The following TJP1 variants were observed in gnomAD, a reference collection of about 807,000 sequenced individuals.
TJP1 encodes tight junction protein 1.
TJP1 carries 43 observed loss-of-function variants against 194.2 expected under a neutral mutation model. The ratio of observed to expected loss-of-function variants is 0.22; its 90% CI spans 0.17 to 0.29. TJP1 has a LOEUF of 0.29. Ranked by LOEUF, TJP1 falls within the 10% of genes least tolerant of loss-of-function variation. The pLI, the probability that TJP1 is intolerant of heterozygous loss-of-function variation, is 1.00. For synonymous variants in TJP1, 801 were observed against 779.0 expected (o/e 1.03, Z -0.47); for missense variants, 1,971 against 2,185.7 (o/e 0.90, Z 1.96).
chr15:29,966,341 A>G (rs2152327452), intron 1 of TJP1, among the ~76,000 whole-genome samples: 1 of 152,220 alleles, frequency 6.6e-6, no homozygotes, highest in Non-Finnish European at 1.5e-5. Flanking sequence ...CATCTGTACT[A>G]AAAATACAAA....
chr15:29,836,301 T>A (rs1431880337), intron 2 of TJP1, among the ~76,000 whole-genome samples: 1 of 148,882 alleles, frequency 6.7e-6, no homozygotes, highest in Non-Finnish European at 1.5e-5. Context: ...AGAGACAGAG[T>A]CTTGCTCTGT....
chr15:29,767,939 G>T, intron 4 of TJP1, among the ~76,000 whole-genome samples: 1 of 152,072 alleles, frequency 6.6e-6, no homozygotes, highest in South Asian at 2.1e-4. Flanking sequence ...CCATACTCCA[G>T]GTTACCTGAA....
chr15:29,784,841 A>G (rs945340136), intron 2 of TJP1, among the ~76,000 whole-genome samples: 2 of 152,212 alleles, frequency 1.3e-5, no homozygotes, highest in Admixed American at 6.5e-5. Context: ...ATGATGTAAC[A>G]GCTATATGAT....
chr15:29,878,134 C>T (rs187861457), intron 2 of TJP1, among the ~76,000 whole-genome samples: 226 of 152,252 alleles, frequency 1.5e-3, no homozygotes, highest in African/African-American at 5.3e-3. Context: ...ACTGCAAGCT[C>T]CGCCTCCCAG....
intron 1 of TJP1, among the ~76,000 whole-genome samples, chr15:29,802,168 AGT>A (rs1485341107): frequency 6.6e-6 from 1 of 152,174 alleles, no homozygotes; most frequent in African/African-American, 2.4e-5. Flanking sequence ...CAAAAGGTAA[AGT>A]AAAAAGGGAG....
At chr15:29,758,660 T>A (rs966862725) in intron 8 of TJP1, among the ~76,000 whole-genome samples, 1 of 152,176 alleles carries the variant, frequency 6.6e-6, no homozygotes, top group African/African-American at 2.4e-5. Flanking sequence ...ATGTTAAAAT[T>A]ACAGCTGCTC....
chr15:29,795,731 G>T (rs946608337), intron 2 of TJP1, among the ~76,000 whole-genome samples: 1 of 151,972 alleles, frequency 6.6e-6, no homozygotes, highest in Admixed American at 6.6e-5. Flanking sequence ...TTAAAAAAAA[G>T]TACTGACCAA....
chr15:29,710,124 C>T (rs761316241), intron 24 of TJP1, among the ~76,000 whole-genome samples: 2 of 149,844 alleles, frequency 1.3e-5, no homozygotes, highest in South Asian at 2.1e-4. Flanking sequence ...GTAGCCTGGG[C>T]GAGAGCAAGG....
intron 15 of TJP1, chr15:29,728,837 A>G (rs2043409699): frequency 6.6e-6 from 1 of 152,254 alleles, no homozygotes; most frequent in Non-Finnish European, 1.5e-5. Context: ...CACCATGGGC[A>G]AGCAGGGCAG....
chr15:29,907,962 G>A (rs906010467), intron 2 of TJP1, among the ~76,000 whole-genome samples: 2 of 143,882 alleles, frequency 1.4e-5, no homozygotes, highest in African/African-American at 2.6e-5. Context: ...GAACAACAGT[G>A]CTCTTGGAAA....
At chr15:29,713,239 T>G (rs755008249) in intron 23 of TJP1, among the ~76,000 whole-genome samples, 1 of 152,204 alleles carries the variant, frequency 6.6e-6, no homozygotes, top group Non-Finnish European at 1.5e-5. Context: ...CCTGAAGAAG[T>G]TGACTCAATC....
chr15:29,931,402 A>C (rs1394334853), intron 2 of TJP1, among the ~76,000 whole-genome samples: 1 of 152,196 alleles, frequency 6.6e-6, no homozygotes. Flanking sequence ...ACTATATAAC[A>C]AATCAAACTA....
intron 2 of TJP1, among the ~76,000 whole-genome samples, chr15:29,851,588 T>C (rs928824200): frequency 2.6e-5 from 4 of 152,208 alleles, no homozygotes; most frequent in Non-Finnish European, 5.9e-5. Context: ...TATTTGTAGA[T>C]ATAGACAAGA....
chr15:29,716,863 G>A (rs764930578), intron 22 of TJP1, 25 bp from the exon 23 acceptor site: 1 of 1,550,572 alleles, frequency 6.4e-7, no homozygotes, highest in Non-Finnish European at 8.8e-7. Flanking sequence ...ATGACAAACG[G>A]AACACCTTTT....
chr15:29,924,921 G>A lies in TJP1; in HGVS notation c.306+31311C>T, dbSNP rs145378394. Among the ~76,000 whole-genome samples, 306 of 152,338 alleles carry A rather than the reference G, an allele frequency of 2.0e-3. 1 individual carries two copies. Among genetic ancestry groups the A allele is most frequent in the African/African-American group, 7.1e-3 (297 of 41,588 alleles). On this transcript the variant is annotated intron_variant, in intron 2 of 28. Transcript: ENST00000356107. Reference sequence around the variant, plus strand: ...CATAGTCCCAGTGCTTAAATTCCAAGGTACTTAGCTTTTGCTGAAATGCTG... The same window carrying A: ...CATAGTCCCAGTGCTTAAATTCCAAAGTACTTAGCTTTTGCTGAAATGCTG...
intron 2 of TJP1, among the ~76,000 whole-genome samples, chr15:29,907,206 G>C (rs768644858): frequency 6.6e-6 from 1 of 151,938 alleles, no homozygotes; most frequent in Non-Finnish European, 1.5e-5. Flanking sequence ...TCAGGAGATC[G>C]AGACCATCCT....
At chr15:29,788,821 T>C (rs1456953583) in intron 2 of TJP1, among the ~76,000 whole-genome samples, 3 of 152,224 alleles carry the variant, frequency 2.0e-5, no homozygotes, top group Non-Finnish European at 4.4e-5. Context: ...TAGAAAAATG[T>C]ATGCATTTTC....
intron 2 of TJP1, among the ~76,000 whole-genome samples, chr15:29,856,431 G>A (rs189874811): frequency 6.6e-6 from 1 of 152,316 alleles, no homozygotes; most frequent in East Asian, 1.9e-4. Context: ...ATTAGTGGTT[G>A]CCAGAGACTG....
chr15:29,720,205 T>C, intron 19 of TJP1, 153 bp downstream of exon 19: 1 of 1,125,492 alleles, frequency 8.9e-7, no homozygotes, highest in Non-Finnish European at 1.2e-6. Flanking sequence ...ACACACAAAA[T>C]TTAGAATTAA....
Sources: allele counts gnomAD v4.1 joint callset (sites outside exome capture counted in the v4.1 genomes callset), GRCh38; gene constraint gnomAD v4.1.1; transcripts MANE v1.5; gene names NCBI Gene and HGNC (gene_info 2026-07-23, HGNC 2026-07-21).